Variants in FAM53B observed in about 807,000 individuals in gnomAD.
The protein encoded by FAM53B is protein FAM53B.
In FAM53B, 12 loss-of-function variants were observed where a neutral mutation model predicts 32.7. The ratio of observed to expected loss-of-function variants is 0.37; its 90% CI spans 0.24 to 0.59. FAM53B has a LOEUF of 0.59. FAM53B is among the 20% of genes least tolerant of loss of function. The probability of loss-of-function intolerance (pLI) is 0.72; values close to 1 mark genes in which losing one functional copy is unlikely to be tolerated. For missense variants in FAM53B, 477 were observed against 577.7 expected (o/e 0.83, Z 1.79); for synonymous variants, 234 against 228.7 (o/e 1.02, Z -0.21).
intron 4 of FAM53B, among the ~76,000 whole-genome samples, chr10:124,666,469 C>T (rs953153898): frequency 3.9e-5 from 6 of 152,186 alleles, no homozygotes; most frequent in South Asian, 2.1e-4. Context: ...TAGAACCTGA[C>T]GCGAGTGGCT....
intron 4 of FAM53B, among the ~76,000 whole-genome samples, chr10:124,629,253 C>T (rs1949375244): frequency 1.3e-5 from 2 of 152,160 alleles, no homozygotes; most frequent in Admixed American, 1.3e-4. Context: ...GTAGTGCCCA[C>T]ATGAGGCTTC....
chr10:124,623,589 T>C lies in FAM53B; in HGVS notation c.922A>G (p.Ser308Gly). 6.2e-7 allele frequency: 1 copy of C among 1,609,656 alleles called. No individual in the cohort carries two copies. Among genetic ancestry groups the C allele is most frequent in the Non-Finnish European group, 8.5e-7 (1 of 1,179,452 alleles). ...CCTGCGCTCAGGCAGCTGAGGCTGC[T>C]GAAGGTCTGACAGTTCTGTGGAGGG... ...AKMAQNCQTF[S>G]SLSCLSAGTE... The change falls in exon 5 of 5, where the codon AGC becomes GGC. Residue 308 changes from serine (S) to glycine (G), a missense_variant. This residue lies in a region of FAM53B where 312 missense variants were observed against 420.2 expected (regional missense o/e 0.74). Coordinates refer to ENST00000337318, the MANE Select transcript of FAM53B (RefSeq NM_014661.4).
In FAM53B at chr10:124,733,665, G is replaced by C. The variant is rs1286204043; in HGVS notation, c.-175+10348C>G. 6.6e-6 allele frequency among the ~76,000 whole-genome samples: 1 copy of C among 152,228 alleles called. No homozygotes were observed. The highest frequency in any genetic ancestry group is 2.4e-5 in the African/African-American group (1 of 41,454). ...AATCCCAAGGGCGCCTGCTAAATGC[G>C]AGAGTTTTGTCTAAAAATAAACAAA... On this transcript the variant is annotated intron_variant, in intron 1 of 4. Transcript: ENST00000337318. This position sits in a 1 kb window ranked among gnomAD's most constrained non-coding sequence, Gnocchi z 4.3.
chr10:124,687,653 G>A (rs991028613), intron 3 of FAM53B, among the ~76,000 whole-genome samples: 6 of 152,192 alleles, frequency 3.9e-5, no homozygotes, highest in Admixed American at 3.3e-4. Context: ...TTCTCAAAGT[G>A]TGACTTCTGG....
At chr10:124,670,598 GC>G (rs1949702326) in intron 4 of FAM53B, among the ~76,000 whole-genome samples, 1 of 152,168 alleles carries the variant, frequency 6.6e-6, no homozygotes, top group African/African-American at 2.4e-5. Context: ...GCCTCGCCAT[GC>G]CCTGCACTCA....
rs981252750 is a variant in FAM53B, at chr10:124,633,248, A to G, written c.907-9644T>C. Among the ~76,000 whole-genome samples the G allele has an allele frequency of 5.3e-4, 11 of 20,922 alleles. No homozygotes were observed. The South Asian group carries it at 0.031, about 58-fold the overall frequency. The allele number at this position is 20,922 out of a possible 152,430, so 13.7% of individuals were successfully genotyped here. A position where few individuals can be genotyped will look rare whatever the true frequency, so the allele number is the denominator to read the frequency against. On this transcript the variant is annotated intron_variant, in intron 4 of 4. Coordinates refer to ENST00000337318, the MANE Select transcript of FAM53B (RefSeq NM_014661.4). The stretch of plus-strand genomic sequence containing the variant: ...TATAAGAACTGGGAAAATTGATAGA[A>G]AAAAAAAAAAAAAACTTTAAAGAAC...
intron 1 of FAM53B, among the ~76,000 whole-genome samples, chr10:124,739,781 G>C (rs1950190573): frequency 6.6e-6 from 1 of 152,110 alleles, no homozygotes; most frequent in African/African-American, 2.4e-5. Context: ...GGGGGTGCCT[G>C]TCACACTCCT....
chr10:124,637,477 G>A (rs777741133), intron 4 of FAM53B, among the ~76,000 whole-genome samples: 4 of 151,934 alleles, frequency 2.6e-5, no homozygotes, highest in African/African-American at 9.7e-5. Flanking sequence ...TGCAACTTGC[G>A]ACCGGGCACC....
intron 4 of FAM53B, among the ~76,000 whole-genome samples, chr10:124,654,447 G>T (rs1392011963): frequency 6.6e-6 from 1 of 152,258 alleles, no homozygotes; most frequent in Non-Finnish European, 1.5e-5. Context: ...CGCTCCCAGG[G>T]AGGTGGTGTT....
chr10:124,730,897 T>C (rs925549784), intron 1 of FAM53B, among the ~76,000 whole-genome samples: 3 of 152,236 alleles, frequency 2.0e-5, no homozygotes, highest in Admixed American at 6.5e-5. Context: ...TTAGGCTTTG[T>C]AGACCCTGTG....
chr10:124,709,843 G>GAAA (rs35504510), intron 1 of FAM53B, among the ~76,000 whole-genome samples: 2 of 128,014 alleles, frequency 1.6e-5, no homozygotes, highest in Non-Finnish European at 3.3e-5. Context: ...CTCAAAAAAA[G>GAAA]AAAAAAAAAA....
chr10:124,687,147 T>G (rs1416482726), intron 3 of FAM53B, among the ~76,000 whole-genome samples: 2 of 152,224 alleles, frequency 1.3e-5, no homozygotes, highest in African/African-American at 4.8e-5. Context: ...GAAAGCGATT[T>G]GTTGGGTCAG....
chr10:124,623,053 C>G lies in FAM53B; in HGVS notation c.*189G>C. ...GGGAGCCGGTGAGAGGCTGACACACCCGCTGTATGACGCGGCCAGGCCAGG... is the reference window on the plus strand; with the variant it reads ...GGGAGCCGGTGAGAGGCTGACACACGCGCTGTATGACGCGGCCAGGCCAGG... On this transcript the variant is annotated 3_prime_UTR_variant, in exon 5 of 5. Coordinates refer to ENST00000337318, the MANE Select transcript of FAM53B (RefSeq NM_014661.4). 3 of 700,012 alleles carry G rather than the reference C, an allele frequency of 4.3e-6. No homozygotes were observed. Among genetic ancestry groups the G allele is most frequent in the Non-Finnish European group, 6.9e-6 (3 of 436,254 alleles). The allele number at this position is 700,012 out of a possible 1,614,324, so 43.4% of individuals were successfully genotyped here.
rs1430276318 is a variant in FAM53B, at chr10:124,622,247, G to A, written c.*995C>T. 6.6e-6 allele frequency: 1 copy of A among 152,160 alleles called. No individual in the cohort carries two copies. Among genetic ancestry groups the A allele is most frequent in the Non-Finnish European group, 1.5e-5 (1 of 68,052 alleles). 9.4% of individuals were successfully genotyped at this position (152,160 alleles called of 1,614,324 possible). A position where few individuals can be genotyped will look rare whatever the true frequency, so the allele number is the denominator to read the frequency against. ...CTGGAATCCTGCAGGGGCCCCTGCAGAGTGGCCAGCGGACGCCCTTCACCC... is the reference window on the plus strand; with the variant it reads ...CTGGAATCCTGCAGGGGCCCCTGCAAAGTGGCCAGCGGACGCCCTTCACCC... On this transcript the variant is annotated 3_prime_UTR_variant, in exon 5 of 5. Transcript: ENST00000337318.
intron 1 of FAM53B, among the ~76,000 whole-genome samples, chr10:124,741,252 G>T (rs1449735833): frequency 6.6e-6 from 1 of 152,182 alleles, no homozygotes; most frequent in Non-Finnish European, 1.5e-5. Flanking sequence ...TGGGGGTTGT[G>T]CCGATCTGAG....
At chr10:124,697,352 G>C (rs753782787) in intron 2 of FAM53B, among the ~76,000 whole-genome samples, 4 of 152,146 alleles carry the variant, frequency 2.6e-5, no homozygotes, top group Non-Finnish European at 5.9e-5. Flanking sequence ...AAGACTTCCA[G>C]GCTGGTAAGT....
At chr10:124,633,137 C>A (rs1302651011) in intron 4 of FAM53B, among the ~76,000 whole-genome samples, 1 of 151,950 alleles carries the variant, frequency 6.6e-6, no homozygotes, top group Non-Finnish European at 1.5e-5. Context: ...CTGCTTATAT[C>A]CAACCACTCT....
chr10:124,688,699 G>A (rs1293070757), intron 3 of FAM53B, among the ~76,000 whole-genome samples: 1 of 152,222 alleles, frequency 6.6e-6, no homozygotes, highest in Non-Finnish European at 1.5e-5. Flanking sequence ...GCCACCGTTT[G>A]ACTAAGAAGG....
intron 4 of FAM53B, among the ~76,000 whole-genome samples, chr10:124,674,163 G>A (rs1001139322): frequency 1.3e-5 from 2 of 152,186 alleles, no homozygotes; most frequent in East Asian, 3.8e-4. Context: ...ACTCAGCTGC[G>A]CCCTCAGGTG....
Sources: gnomAD v4.1 joint callset for allele counts (sites outside exome capture counted in the v4.1 genomes callset) on GRCh38, gnomAD v4.1.1 for gene constraint, gnomAD v4.1.1 regional missense constraint, Gnocchi (gnomAD v3.1) non-coding constraint, MANE v1.5 for transcripts, NCBI Gene and HGNC (gene_info 2026-07-23, HGNC 2026-07-21) for gene names.